ROBO2: variants seen among roughly 807,000 people sequenced by gnomAD.
ROBO2 encodes the protein roundabout homolog 2.
A neutral mutation model predicts 160.8 loss-of-function variants in ROBO2; 53 were observed. The ratio of observed to expected loss-of-function variants is 0.33; its 90% CI spans 0.26 to 0.41. The LOEUF (loss-of-function observed/expected upper bound fraction) is 0.41, where lower values mean the gene tolerates loss of function less well. Ranked by LOEUF, ROBO2 falls within the 10% of genes least tolerant of loss-of-function variation. The pLI is 1.00. For synonymous variants in ROBO2, 664 were observed against 611.7 expected, an observed-to-expected ratio of 1.09 and a Z score of -1.26; for missense variants, 1,577 against 1,722.4, an observed-to-expected ratio of 0.92 and a Z score of 1.49.
At chr3:77,476,085 G>T (rs191512947) in intron 2 of ROBO2, among the ~76,000 whole-genome samples, 2 of 152,180 alleles carry the variant, frequency 1.3e-5, no homozygotes, top group Non-Finnish European at 2.9e-5. Context: ...CCATGTTAAA[G>T]GGTGTGTTGC....
chr3:77,613,702 G>T (rs1480183077), intron 21 of ROBO2, among the ~76,000 whole-genome samples: 1 of 152,140 alleles, frequency 6.6e-6, no homozygotes, highest in Admixed American at 6.5e-5. Flanking sequence ...TTTTTAAGGT[G>T]TTATATTAGA....
chr3:76,034,525 A>G (rs891401931), intron 2 of ROBO2, among the ~76,000 whole-genome samples: 3 of 152,260 alleles, frequency 2.0e-5, no homozygotes, highest in Non-Finnish European at 4.4e-5. Context: ...ATGTTGTTTC[A>G]TTAGGGAACA....
intron 2 of ROBO2, among the ~76,000 whole-genome samples, chr3:76,291,938 A>C (rs1241602268): frequency 1.3e-5 from 2 of 151,796 alleles, no homozygotes; most frequent in Non-Finnish European, 2.9e-5. Flanking sequence ...CTGAGCATGT[A>C]GTCAATTTTA....
chr3:77,071,740 A>C (rs953342437), intron 1 of ROBO2, among the ~76,000 whole-genome samples: 13 of 152,190 alleles, frequency 8.5e-5, no homozygotes, highest in African/African-American at 2.9e-4. Context: ...AAACGTGATT[A>C]GGAAACCATC....
chr3:77,498,387 T>C (rs28613508), intron 5 of ROBO2, among the ~76,000 whole-genome samples: 136 of 152,298 alleles, frequency 8.9e-4, no homozygotes, highest in African/African-American at 3.0e-3. Context: ...ATATAATTAA[T>C]GAATATTTCA....
At chr3:77,493,336 C>A (rs772503893) in exon 5 of ROBO2, 17 of 1,613,634 alleles carry the variant, frequency 1.1e-5, no homozygotes, top group Non-Finnish European at 1.4e-5. Context: ...AGATCCTCAA[C>A]CAACTGTGAG....
chr3:76,721,686 GT>G (rs1418990935), intron 2 of ROBO2, among the ~76,000 whole-genome samples: 1 of 152,098 alleles, frequency 6.6e-6, no homozygotes, highest in African/African-American at 2.4e-5. Context: ...TCCAGCTGAG[GT>G]TTATCATCCC....
intron 2 of ROBO2, among the ~76,000 whole-genome samples, chr3:76,230,317 T>G (rs1704544600): frequency 1.3e-5 from 2 of 151,482 alleles, no homozygotes; most frequent in Non-Finnish European, 2.9e-5. Context: ...ATTTCTCATT[T>G]GAAAAAAAAA....
chr3:75,941,605 C>T (rs1467615632), intron 2 of ROBO2, among the ~76,000 whole-genome samples: 3 of 152,136 alleles, frequency 2.0e-5, no homozygotes, highest in Admixed American at 6.6e-5. Flanking sequence ...GTGGCGCTTA[C>T]AACTGTAGGA....
chr3:76,645,154 T>C lies in ROBO2; in HGVS notation c.110-452860T>C, dbSNP rs1370906541. On this transcript the variant is annotated intron_variant, in intron 2 of 26. Transcript: ENST00000487694. Reference sequence around the variant, plus strand: ...TTCTGCAATCTTTGTAATGGGTTGGTAATTTATTTTAAAATCCAATAATTC... The same window carrying C: ...TTCTGCAATCTTTGTAATGGGTTGGCAATTTATTTTAAAATCCAATAATTC... Among the ~76,000 whole-genome samples the C allele has an allele frequency of 3.3e-5, 5 of 152,220 alleles. No homozygotes were observed. In the East Asian group the frequency reaches 7.7e-4, roughly 23 times the overall value.
intron 5 of ROBO2, among the ~76,000 whole-genome samples, chr3:77,508,668 A>T (rs6799832): frequency 0.38 from 58,183 of 151,490 alleles, 11,455 homozygotes; most frequent in Admixed American, 0.47. Context: ...AGTGATTTAA[A>T]ATATTCTAAG....
chr3:77,349,113 C>G (rs2068015657), intron 2 of ROBO2, among the ~76,000 whole-genome samples: 1 of 152,026 alleles, frequency 6.6e-6, no homozygotes, highest in Admixed American at 6.6e-5. Context: ...TTTTTTCTCA[C>G]TGCCAGTGCT....
At chr3:77,520,669 T>C (rs1342301870) in intron 5 of ROBO2, among the ~76,000 whole-genome samples, 2 of 151,136 alleles carry the variant, frequency 1.3e-5, no homozygotes, top group Admixed American at 1.3e-4. Flanking sequence ...ACAACAAGAA[T>C]AAATAGCTAA....
chr3:77,386,081 A>G (rs2074067930), intron 2 of ROBO2, among the ~76,000 whole-genome samples: 1 of 152,236 alleles, frequency 6.6e-6, no homozygotes. Context: ...TGCAGGTAAT[A>G]TGCTTAACAG....
intron 2 of ROBO2, among the ~76,000 whole-genome samples, chr3:76,901,568 C>CAAAAAA (rs34372046): frequency 6.6e-5 from 5 of 75,840 alleles, no homozygotes; most frequent in East Asian, 4.3e-4. Context: ...AATTTCATCT[C>CAAAAAA]AAAAAAAAAA....
chr3:77,611,473 C>G (rs1446295467), intron 21 of ROBO2, among the ~76,000 whole-genome samples: 7 of 152,018 alleles, frequency 4.6e-5, no homozygotes, highest in African/African-American at 1.7e-4. Flanking sequence ...AGCAGAATGG[C>G]TAGCAGAATG....
intron 2 of ROBO2, among the ~76,000 whole-genome samples, chr3:75,957,377 T>G (rs1467892155): frequency 6.6e-6 from 1 of 151,764 alleles, no homozygotes; most frequent in African/African-American, 2.4e-5. Context: ...GCCTAAAATA[T>G]AACTCATTTT....
chr3:77,241,794 A>C (rs1433622610), intron 2 of ROBO2, among the ~76,000 whole-genome samples: 1 of 152,296 alleles, frequency 6.6e-6, no homozygotes, highest in Middle Eastern at 3.4e-3. Context: ...ATTAATCAAT[A>C]CCAGGAAGCA....
chr3:76,222,959 T>C (rs755412419), intron 2 of ROBO2, among the ~76,000 whole-genome samples: 3 of 151,928 alleles, frequency 2.0e-5, no homozygotes, highest in Non-Finnish European at 4.4e-5. Context: ...TTCACCGTAT[T>C]AGTCAGGCTG....
Sources: gnomAD v4.1 joint callset for allele counts (sites outside exome capture counted in the v4.1 genomes callset) on GRCh38, gnomAD v4.1.1 for gene constraint, MANE v1.5 for transcripts, NCBI Gene and HGNC (gene_info 2026-07-23, HGNC 2026-07-21) for gene names.